The following CHST8 variants were observed in gnomAD, a reference collection of about 807,000 sequenced individuals.
CHST8 encodes the protein GALNAC-4-ST1.
A neutral mutation model predicts 15.0 loss-of-function variants in CHST8; 10 were observed. The ratio of observed to expected loss-of-function variants is 0.67; its 90% CI spans 0.41 to 1.13. CHST8 has a LOEUF of 1.13. CHST8 is among the 50% of genes most tolerant of loss of function. The pLI is 0.00. For missense variants in CHST8, 634 were observed against 608.2 expected (o/e 1.04, Z -0.45); for synonymous variants, 259 against 256.6 (o/e 1.01, Z -0.09).
intron 1 of CHST8, among the ~76,000 whole-genome samples, chr19:33,640,063 C>T (rs529020187): frequency 6.6e-6 from 1 of 152,176 alleles, no homozygotes; most frequent in African/African-American, 2.4e-5. Context: ...AGGCTAGTCT[C>T]GAACTCCTGA....
At chr19:33,770,630 G>T (rs565161715) in intron 3 of CHST8, among the ~76,000 whole-genome samples, 1 of 152,230 alleles carries the variant, frequency 6.6e-6, no homozygotes, top group Admixed American at 6.5e-5. Flanking sequence ...CCCAGCCCAG[G>T]CATGGGCCTC....
At chr19:33,765,070 A>ATATATGTATGTATG (rs71181381) in intron 3 of CHST8, among the ~76,000 whole-genome samples, 1 of 113,208 alleles carries the variant, frequency 8.8e-6, no homozygotes. Context: ...ATATATATAT[A>ATATATGTATGTATG]TATCAGAGTT....
chr19:33,686,872 T>C lies in CHST8; in HGVS notation c.-86-2304T>C, dbSNP rs138485286. On this transcript the variant is annotated intron_variant, in intron 2 of 4. Transcript: ENST00000650847. ...GGGCATGTATGCATATGTGTGTTAT[T>C]GAACCCGCGTCTGCTTAGGTCCGTG... Among the ~76,000 whole-genome samples, 789 of 152,364 alleles carry C rather than the reference T, an allele frequency of 5.2e-3. 6 individuals carry two copies. Among genetic ancestry groups the C allele is most frequent in the African/African-American group, 0.017 (711 of 41,596 alleles).
chr19:33,762,864 C>CTTTT (rs967177736), intron 3 of CHST8, among the ~76,000 whole-genome samples: 2,735 of 116,340 alleles, frequency 0.024, 41 homozygotes, highest in Non-Finnish European at 0.033. Context: ...AGTTTTCTCT[C>CTTTT]TTTTTTTTTT....
chr19:33,727,947 C>G (rs776329726), intron 3 of CHST8, among the ~76,000 whole-genome samples: 7 of 152,218 alleles, frequency 4.6e-5, no homozygotes, highest in African/African-American at 1.2e-4. Flanking sequence ...GGCCCAGCCC[C>G]GGCCCACACT....
intron 3 of CHST8, among the ~76,000 whole-genome samples, chr19:33,728,753 G>A (rs1392307402): frequency 2.0e-5 from 3 of 152,206 alleles, no homozygotes; most frequent in Non-Finnish European, 4.4e-5. Flanking sequence ...AGGGAAGGGA[G>A]AGAGGGAAGC....
rs138097240 is a variant in CHST8, at chr19:33,656,984, G to A, written c.-163-10783G>A. Among the ~76,000 whole-genome samples the A allele has an allele frequency of 4.5e-4, 68 of 152,024 alleles. 1 individual carries two copies. The East Asian group carries it at 0.013, about 29-fold the overall frequency. ...ATGTTATATATGCATATCACACACA[G>A]GCCTATGTAAAATCAGTGTTGAAAT... On this transcript the variant is annotated intron_variant, in intron 1 of 4. Transcript: ENST00000650847.
chr19:33,764,173 C>T (rs1252695933), intron 3 of CHST8, among the ~76,000 whole-genome samples: 2 of 152,244 alleles, frequency 1.3e-5, no homozygotes, highest in South Asian at 2.1e-4. Flanking sequence ...AAGCACCAGC[C>T]TTTCCACAGG....
chr19:33,660,816 G>C (rs1425580837), intron 1 of CHST8, among the ~76,000 whole-genome samples: 1 of 152,220 alleles, frequency 6.6e-6, no homozygotes, highest in Non-Finnish European at 1.5e-5. Context: ...TGCACTGCCT[G>C]TGAGTTAGCC....
chr19:33,682,772 G>T (rs188190724), intron 2 of CHST8, among the ~76,000 whole-genome samples: 4 of 152,192 alleles, frequency 2.6e-5, no homozygotes, highest in African/African-American at 7.2e-5. Context: ...GTAATTTTTT[G>T]GGGGGGTTCC....
intron 1 of CHST8, among the ~76,000 whole-genome samples, chr19:33,649,868 A>G (rs935208856): frequency 1.3e-5 from 2 of 152,178 alleles, no homozygotes; most frequent in Non-Finnish European, 1.5e-5. Flanking sequence ...GGCGGTGGGT[A>G]AGCTGCAATT....
At chr19:33,696,293 A>T (rs1337028329) in intron 3 of CHST8, among the ~76,000 whole-genome samples, 2 of 151,958 alleles carry the variant, frequency 1.3e-5, no homozygotes, top group African/African-American at 2.4e-5. Context: ...ATTGAATGGT[A>T]GTTCTACTTT....
chr19:33,748,225 C>T (rs1444419913), intron 3 of CHST8, among the ~76,000 whole-genome samples: 2 of 152,244 alleles, frequency 1.3e-5, no homozygotes, highest in Non-Finnish European at 2.9e-5. Flanking sequence ...TCAGCTTCCA[C>T]TGGATGGCGG....
chr19:33,626,315 C>T (rs1270497688), intron 1 of CHST8, among the ~76,000 whole-genome samples: 1 of 151,288 alleles, frequency 6.6e-6, no homozygotes, highest in Admixed American at 6.6e-5. Context: ...CTTAGAAACT[C>T]AGCAATGCAG....
chr19:33,709,664 G>A (rs1973512789), intron 3 of CHST8, among the ~76,000 whole-genome samples: 1 of 151,218 alleles, frequency 6.6e-6, no homozygotes. Context: ...TTCTTGTGAT[G>A]TCTTTATCTG....
At chr19:33,657,203 A>G (rs762542002) in intron 1 of CHST8, among the ~76,000 whole-genome samples, 1 of 151,772 alleles carries the variant, frequency 6.6e-6, no homozygotes, top group African/African-American at 2.4e-5. Flanking sequence ...ACATACATAT[A>G]CATACACAAA....
At chr19:33,663,405 A>G (rs1417717831) in intron 1 of CHST8, among the ~76,000 whole-genome samples, 1 of 152,080 alleles carries the variant, frequency 6.6e-6, no homozygotes, top group African/African-American at 2.4e-5. Flanking sequence ...TCTCTACAAA[A>G]AACTTAAAAA....
intron 1 of CHST8, among the ~76,000 whole-genome samples, chr19:33,632,086 C>G (rs966349192): frequency 4.6e-5 from 7 of 151,990 alleles, no homozygotes; most frequent in African/African-American, 1.7e-4. Flanking sequence ...GGCAGCCCCA[C>G]TGGCCAGTGT....
Position 33,702,819 on chromosome 19 carries a change from G to C in CHST8, c.130+13428G>C, listed in dbSNP as rs577857579. ...TGGCCCAGAATGCATTGGAGGGACC[G>C]GGGGAGGAGGAAGCGGAGGTCACAA... On this transcript the variant is annotated intron_variant, in intron 3 of 4. Coordinates refer to ENST00000650847, the MANE Select transcript of CHST8 (RefSeq NM_001127895.2). Among the ~76,000 whole-genome samples, 3 of 152,338 alleles carry C rather than the reference G, an allele frequency of 2.0e-5. No individual in the cohort carries two copies. The South Asian group carries it at 6.2e-4, about 32-fold the overall frequency.
Sources: allele counts gnomAD v4.1 joint callset (sites outside exome capture counted in the v4.1 genomes callset), GRCh38; gene constraint gnomAD v4.1.1; transcripts MANE v1.5; gene names NCBI Gene and HGNC (gene_info 2026-07-23, HGNC 2026-07-21).